OCLN: variants seen among roughly 807,000 people sequenced by gnomAD.
OCLN encodes phosphatase 1, regulatory subunit 115.
OCLN carries 21 observed loss-of-function variants against 47.9 expected under a neutral mutation model. The ratio of observed to expected loss-of-function variants is 0.44; its 90% CI spans 0.31 to 0.63. OCLN has a LOEUF of 0.63. Among genes scored for constraint, OCLN ranks in the 30% least tolerant of loss-of-function variants. The pLI is 0.08. For synonymous variants in OCLN, 117 were observed against 198.4 expected, an observed-to-expected ratio of 0.59 and a Z score of 3.45; for missense variants, 360 against 571.0, an observed-to-expected ratio of 0.63 and a Z score of 3.77.
At chr5:69,506,173 G>A (rs1768594705) in intron 2 of OCLN, among the ~76,000 whole-genome samples, 3 of 152,200 alleles carry the variant, frequency 2.0e-5, no homozygotes, top group South Asian at 2.1e-4. Flanking sequence ...AGCCAGGTGT[G>A]GTGGTGCATG....
At chr5:69,536,406 C>T (rs1305241406) in intron 5 of OCLN, among the ~76,000 whole-genome samples, 1 of 138,234 alleles carries the variant, frequency 7.2e-6, no homozygotes, top group Non-Finnish European at 1.6e-5. Flanking sequence ...TGCAGTGGCT[C>T]ACGCCTGTAA....
chr5:69,514,519 G>T (rs982964169), intron 4 of OCLN, among the ~76,000 whole-genome samples: 13 of 152,048 alleles, frequency 8.5e-5, no homozygotes, highest in South Asian at 8.3e-4. Context: ...CAGGTGGCAG[G>T]CCTTTTAAAC....
chr5:69,500,327 C>T (rs1257003307), intron 1 of OCLN, among the ~76,000 whole-genome samples: 2 of 152,104 alleles, frequency 1.3e-5, no homozygotes, highest in African/African-American at 4.8e-5. Context: ...AAAATAAAAT[C>T]CACCAGTTTG....
At chr5:69,505,659 T>C (rs1007532114) in intron 2 of OCLN, among the ~76,000 whole-genome samples, 1 of 152,216 alleles carries the variant, frequency 6.6e-6, no homozygotes, top group Non-Finnish European at 1.5e-5. Flanking sequence ...TCCTTGGTCA[T>C]GTGAAGACTT....
chr5:69,510,212 TCACA>T (rs58605715), intron 3 of OCLN, among the ~76,000 whole-genome samples: 2,652 of 152,310 alleles, frequency 0.017, 72 homozygotes, highest in African/African-American at 0.061. Context: ...ATAAATGGAA[TCACA>T]CAATGTGGTC....
chr5:69,529,855 C>G (rs1222917601), intron 4 of OCLN, among the ~76,000 whole-genome samples: 1 of 152,130 alleles, frequency 6.6e-6, no homozygotes, highest in Non-Finnish European at 1.5e-5. Flanking sequence ...CCTCCTGCCT[C>G]AGCCTCCCAA....
At chr5:69,499,015 C>T (rs1282598250) in intron 1 of OCLN, among the ~76,000 whole-genome samples, 5 of 151,932 alleles carry the variant, frequency 3.3e-5, no homozygotes, top group African/African-American at 7.2e-5. Flanking sequence ...GTTATAATAC[C>T]GTATACAATG....
chr5:69,528,762 G>A (rs1010426263), intron 4 of OCLN, among the ~76,000 whole-genome samples: 4 of 152,074 alleles, frequency 2.6e-5, no homozygotes, highest in Admixed American at 6.6e-5. Context: ...CTTGGGTGGC[G>A]GTGAGAATAA....
chr5:69,550,639 A>T (rs1291589571), intron 7 of OCLN, among the ~76,000 whole-genome samples: 3 of 99,266 alleles, frequency 3.0e-5, no homozygotes, highest in Admixed American at 1.2e-4. Context: ...TTTGATGCAC[A>T]TCTCATTAAA....
intron 1 of OCLN, among the ~76,000 whole-genome samples, chr5:69,494,841 A>C (rs1768248209): frequency 6.6e-6 from 1 of 152,140 alleles, no homozygotes; most frequent in Admixed American, 6.5e-5. Context: ...GCCGTGGGGG[A>C]AACGTTGCAG....
intron 4 of OCLN, among the ~76,000 whole-genome samples, chr5:69,525,999 G>C (rs922795534): frequency 2.6e-5 from 4 of 152,112 alleles, no homozygotes; most frequent in Non-Finnish European, 5.9e-5. Context: ...TGTCAGGTTT[G>C]AGCATCACTG....
At chr5:69,531,170 C>T (rs1769421598) in intron 4 of OCLN, among the ~76,000 whole-genome samples, 3 of 152,230 alleles carry the variant, frequency 2.0e-5, no homozygotes, top group South Asian at 2.1e-4. Flanking sequence ...AAGCCCAGTC[C>T]GCTGCCTACT....
chr5:69,496,960 T>A (rs1457302502), intron 1 of OCLN, among the ~76,000 whole-genome samples: 2 of 152,186 alleles, frequency 1.3e-5, no homozygotes, highest in East Asian at 3.8e-4. Flanking sequence ...TCTCATTTTT[T>A]CCTTCACTCA....
At chr5:69,531,761 A>G (rs1379165009) in intron 4 of OCLN, among the ~76,000 whole-genome samples, 2 of 152,170 alleles carry the variant, frequency 1.3e-5, no homozygotes, top group Non-Finnish European at 2.9e-5. Context: ...GAATACCCCT[A>G]TGTACTTTGA....
intron 1 of OCLN, among the ~76,000 whole-genome samples, chr5:69,499,183 T>C (rs1235003102): frequency 1.3e-5 from 2 of 152,082 alleles, no homozygotes; most frequent in Non-Finnish European, 2.9e-5. Context: ...GATCCTCCCA[T>C]CTCAGTCTCT....
intron 4 of OCLN, among the ~76,000 whole-genome samples, chr5:69,514,315 A>G (rs1768866739): frequency 6.6e-6 from 1 of 152,230 alleles, no homozygotes; most frequent in Admixed American, 6.5e-5. Flanking sequence ...TCCATTTTCA[A>G]GGAGTGAATC....
intron 2 of OCLN, among the ~76,000 whole-genome samples, chr5:69,508,882 C>G (rs1326852192): frequency 6.6e-6 from 1 of 152,152 alleles, no homozygotes; most frequent in Non-Finnish European, 1.5e-5. Flanking sequence ...CTGTTCCGTA[C>G]CAGAATACAC....
intron 3 of OCLN, among the ~76,000 whole-genome samples, chr5:69,511,161 G>T (rs572734207): frequency 6.6e-6 from 1 of 151,204 alleles, no homozygotes; most frequent in South Asian, 2.1e-4. Context: ...TGTGAGCTAC[G>T]CCTCCTGGGT....
chr5:69,523,723 A>G (rs1473831429), intron 4 of OCLN, among the ~76,000 whole-genome samples: 3 of 152,042 alleles, frequency 2.0e-5, no homozygotes, highest in Admixed American at 1.3e-4. Flanking sequence ...TTTAGTAGAC[A>G]TGGGGTTTTG....
Sources: allele counts gnomAD v4.1 joint callset (sites outside exome capture counted in the v4.1 genomes callset), GRCh38; gene constraint gnomAD v4.1.1; transcripts MANE v1.5; gene names NCBI Gene and HGNC (gene_info 2026-07-23, HGNC 2026-07-21).